The following MRPL37 variants were observed in gnomAD, a reference collection of about 807,000 sequenced individuals.
MRPL37 encodes mitochondrial ribosomal protein L37.
A neutral mutation model predicts 44.1 loss-of-function variants in MRPL37; 34 were observed. The observed-to-expected ratio is 0.77, with a 90% CI of 0.59 to 1.03. The LOEUF (loss-of-function observed/expected upper bound fraction) is 1.03. Ranked by LOEUF, MRPL37 falls within the 50% of genes least tolerant of loss-of-function variation. MRPL37 has a pLI of 0.00. For missense variants in MRPL37, 532 were observed against 543.7 expected (o/e 0.98, Z 0.21); for synonymous variants, 212 against 219.5 (o/e 0.97, Z 0.30).
chr1:54,222,655 CA>C (rs1644244099), downstream of MRPL37, among the ~76,000 whole-genome samples: 1 of 152,112 alleles, frequency 6.6e-6, no homozygotes, highest in Non-Finnish European at 1.5e-5. Flanking sequence ...TCTCAGGGCC[CA>C]GTCCTTCGGC....
rs1644196206 is a variant in MRPL37, at chr1:54,216,201, G to T, written c.1051G>T (p.Val351Phe). ...GCAGAGCGTGGGCACGGATGGACGT[G>T]TCTTCCATTTCCTAGTGTTTCAACT... ...VVQSVGTDGRVFHFLVFQLNT... is the reference protein window; with the variant it reads ...VVQSVGTDGRFFHFLVFQLNT... Residue 351 changes from valine (V) to phenylalanine (F), a missense_variant, in exon 6 of 7, where the codon GTC (valine) becomes TTC (phenylalanine). Coordinates refer to ENST00000360840, the MANE Select transcript of MRPL37 (RefSeq NM_016491.4). The T allele has an allele frequency of 5.6e-6, 9 of 1,614,214 alleles. No homozygotes were observed. The highest frequency in any genetic ancestry group is 7.6e-6 in the Non-Finnish European group (9 of 1,180,046).
intron 5 of MRPL37, among the ~76,000 whole-genome samples, chr1:54,214,854 TA>T (rs1644187156): frequency 6.6e-6 from 1 of 152,256 alleles, no homozygotes; most frequent in Admixed American, 6.5e-5. Context: ...TAAGAGTCAA[TA>T]CAGAATTCTC....
chr1:54,224,686 G>C (rs543859191), downstream of MRPL37, among the ~76,000 whole-genome samples: 16 of 144,872 alleles, frequency 1.1e-4, no homozygotes, highest in African/African-American at 3.5e-4. Context: ...TACAAGCCTA[G>C]AATGAGGTCC....
intron 1 of MRPL37, among the ~76,000 whole-genome samples, chr1:54,202,840 T>TA (rs1467710204): frequency 2.6e-5 from 4 of 152,210 alleles, no homozygotes; most frequent in Admixed American, 2.6e-4. Context: ...AGAAGTGTTC[T>TA]TCCAGCTGAG....
chr1:54,204,960 C>T, intron 1 of MRPL37, 58 bp from the exon 2 acceptor site: 3 of 1,562,646 alleles, frequency 1.9e-6, no homozygotes, highest in Non-Finnish European at 2.6e-6. Flanking sequence ...CAGGTGTAAG[C>T]ATCTCTTCCT....
At position 54,205,071 on chromosome 1, in the gene MRPL37, G is replaced by A. The variant is rs143156198; in HGVS notation, c.400G>A (p.Glu134Lys). The change falls in exon 2 of 7, where the codon GAG becomes AAG. Residue 134 changes from glutamate to lysine, a missense_variant. Glu to Lys is a moderately conservative substitution (Grantham distance 56, BLOSUM62 1). Coordinates refer to ENST00000360840, the MANE Select transcript of MRPL37 (RefSeq NM_016491.4). ...GACCAAGTTAATAGAAGGCCTTCCC[G>A]AGAAAGTGCTTAGCCTTGTTGATGA... ...TKTKLIEGLPEKVLSLVDDPR... is the reference protein window; with the variant it reads ...TKTKLIEGLPKKVLSLVDDPR... The A allele has an allele frequency of 5.6e-5, 90 of 1,614,076 alleles. No homozygotes were observed. The highest frequency in any genetic ancestry group is 7.2e-5 in the Non-Finnish European group (85 of 1,180,018).
intron 6 of MRPL37, among the ~76,000 whole-genome samples, chr1:54,216,803 C>T (rs1415536466): frequency 6.6e-6 from 1 of 152,210 alleles, no homozygotes; most frequent in Non-Finnish European, 1.5e-5. Flanking sequence ...GCTGCCCTGG[C>T]CTCCGTATTC....
intron 6 of MRPL37, among the ~76,000 whole-genome samples, chr1:54,217,072 A>G (rs1303011100): frequency 6.6e-6 from 1 of 152,156 alleles, no homozygotes; most frequent in Non-Finnish European, 1.5e-5. Context: ...ATCAGGCAGT[A>G]ATATGCACCC....
intron 5 of MRPL37, among the ~76,000 whole-genome samples, chr1:54,215,591 G>A (rs1644191589): frequency 6.6e-6 from 1 of 152,158 alleles, no homozygotes; most frequent in Non-Finnish European, 1.5e-5. Context: ...AGCAAGGCAG[G>A]GGCGTGGGGG....
chr1:54,200,713 G>A, intron 1 of MRPL37, 124 bp downstream of exon 1: 2 of 1,087,622 alleles, frequency 1.8e-6, no homozygotes, highest in South Asian at 3.3e-5. Flanking sequence ...TGCGAAATGG[G>A]GCCGTAGTGA....
downstream of MRPL37, among the ~76,000 whole-genome samples, chr1:54,219,392 C>T (rs1324626526): frequency 1.3e-5 from 2 of 152,200 alleles, no homozygotes; most frequent in Admixed American, 6.5e-5. Flanking sequence ...TGGGCTCTTT[C>T]CACTTGAAAG....
chr1:54,208,136 G>A (rs1011664754), intron 3 of MRPL37, among the ~76,000 whole-genome samples: 3 of 152,148 alleles, frequency 2.0e-5, no homozygotes, highest in Non-Finnish European at 4.4e-5. Flanking sequence ...TGTCACCTAC[G>A]TCTGCATGTA....
At chr1:54,219,362 G>A (rs1644218836), downstream of MRPL37, among the ~76,000 whole-genome samples, 1 of 152,250 alleles carries the variant, frequency 6.6e-6, no homozygotes, top group African/African-American at 2.4e-5. Context: ...CGTCCAGCCT[G>A]TGTCTCTGCC....
Position 54,200,201 on chromosome 1 carries a change from C to T in MRPL37, c.-43C>T. The T allele has an allele frequency of 1.3e-6, 2 of 1,503,830 alleles. No homozygotes were observed. Among genetic ancestry groups the T allele is most frequent in the Non-Finnish European group, 1.8e-6 (2 of 1,133,152 alleles). The allele number at this position is 1,503,830 out of a possible 1,614,324, so 93.2% of individuals were successfully genotyped here. The stretch of plus-strand genomic sequence containing the variant: ...TCCCAGCAGGCCCTGCGCGCGGCAA[C>T]ATGGCGGGGTCCAGGTGGAGGTCTT... On this transcript the variant is annotated 5_prime_UTR_variant, in exon 1 of 7. Transcript: ENST00000360840.
chr1:54,202,998 A>G (rs922455457), intron 1 of MRPL37, among the ~76,000 whole-genome samples: 2 of 152,154 alleles, frequency 1.3e-5, no homozygotes, highest in African/African-American at 4.8e-5. Flanking sequence ...AGGTCTATGC[A>G]TGTTCCTCCC....
downstream of MRPL37, among the ~76,000 whole-genome samples, chr1:54,224,383 C>T (rs977135252): frequency 2.0e-5 from 3 of 152,182 alleles, no homozygotes; most frequent in Non-Finnish European, 2.9e-5. Context: ...TCACTTGTAG[C>T]GAACACATGC....
At chr1:54,204,922 G>A in intron 1 of MRPL37, 96 bp from the exon 2 acceptor site, 1 of 1,393,922 alleles carries the variant, frequency 7.2e-7, no homozygotes, top group Non-Finnish European at 9.7e-7. Context: ...CTCACTTGAG[G>A]CAGCCTTTTT....
At chr1:54,206,332 TC>T (rs1445642061) in intron 3 of MRPL37, among the ~76,000 whole-genome samples, 1 of 152,090 alleles carries the variant, frequency 6.6e-6, no homozygotes, top group Non-Finnish European at 1.5e-5. Flanking sequence ...CAGGATGGTC[TC>T]GATCTCCTGA....
In MRPL37 at chr1:54,205,372, G is replaced by A. The variant is rs770059090; in HGVS notation, c.608G>A (p.Cys203Tyr). Residue 203 changes from cysteine (C) to tyrosine (Y), a missense_variant, in exon 3 of 7, where the codon TGT becomes TAT. Cys to Tyr is a radical substitution (Grantham distance 194). Coordinates refer to ENST00000360840, the MANE Select transcript of MRPL37 (RefSeq NM_016491.4). ...LKHPSLARRI[C>Y]VQNSTFSATW... ...CATCCTTCTCTGGCCAGGAGGATCTGTGTCCAAAACTCCACGTTTTCTGCT... is the reference window on the plus strand; with the variant it reads ...CATCCTTCTCTGGCCAGGAGGATCTATGTCCAAAACTCCACGTTTTCTGCT... 1.2e-6 allele frequency: 2 copies of A among 1,614,138 alleles called. No homozygotes were observed. Among genetic ancestry groups the A allele is most frequent in the South Asian group, 2.2e-5 (2 of 91,074 alleles).
Sources: allele counts gnomAD v4.1 joint callset (sites outside exome capture counted in the v4.1 genomes callset), GRCh38; gene constraint gnomAD v4.1.1; transcripts MANE v1.5; gene names NCBI Gene and HGNC (gene_info 2026-07-23, HGNC 2026-07-21).